Variants in TMPRSS11E observed in about 807,000 individuals in gnomAD.
TMPRSS11E encodes the protein transmembrane serine protease 11E, also known as transmembrane protease serine 11E.
Under a neutral mutation model 48.1 loss-of-function variants are expected in TMPRSS11E, and 38 were observed. The observed-to-expected ratio is 0.79, with a 90% CI of 0.61 to 1.04. TMPRSS11E has a LOEUF of 1.04. Ranked by LOEUF, TMPRSS11E falls within the 50% of genes least tolerant of loss-of-function variation. The pLI, the probability that TMPRSS11E is intolerant of heterozygous loss-of-function variation, is 0.00. For missense variants in TMPRSS11E, 530 were observed against 510.8 expected (o/e 1.04, Z -0.36); for synonymous variants, 158 against 171.9 (o/e 0.92, Z 0.63).
chr4:68,490,885 A>G (rs1729699136), intron 9 of TMPRSS11E, among the ~76,000 whole-genome samples: 1 of 147,372 alleles, frequency 6.8e-6, no homozygotes, highest in African/African-American at 2.5e-5. Flanking sequence ...CAGCCTCCTG[A>G]GTAGCTGAGA....
At chr4:68,485,706 G>T (rs1050523021) in intron 9 of TMPRSS11E, among the ~76,000 whole-genome samples, 1 of 152,134 alleles carries the variant, frequency 6.6e-6, no homozygotes, top group Non-Finnish European at 1.5e-5. Flanking sequence ...AATTTTGGGA[G>T]TATTTTCAAT....
rs1729258373 is a variant in TMPRSS11E at position 68,477,494 on chromosome 4, T to A, written c.833T>A (p.Ile278Asn). ...KYKHPSHDYD[I>N]SLAELSSPVP... ...AAACACCCATCACATGACTATGATA[T>A]TTCTCTTGCAGAGCTTTCTAGCCCT... The change falls in exon 8 of 10, where the codon ATT (isoleucine) becomes AAT (asparagine). Residue 278 changes from isoleucine to asparagine, a missense_variant. Coordinates refer to ENST00000305363, the MANE Select transcript of TMPRSS11E (RefSeq NM_014058.4). The A allele has an allele frequency of 6.2e-7, 1 of 1,614,068 alleles. No individual in the cohort carries two copies. The highest frequency in any genetic ancestry group is 2.2e-5 in the East Asian group (1 of 44,866).
At chr4:68,476,175 A>G (rs945271642) in intron 6 of TMPRSS11E, 86 bp from the exon 7 acceptor site, 3 of 1,560,192 alleles carry the variant, frequency 1.9e-6, no homozygotes, top group African/African-American at 1.4e-5. Flanking sequence ...AGTAGAAGAA[A>G]TATGGGACAT....
At position 68,466,654 on chromosome 4, in the gene TMPRSS11E, T is replaced by C. The variant is rs1273647552; in HGVS notation, c.160T>C (p.Tyr54His). The C allele has an allele frequency of 5.0e-6, 8 of 1,613,434 alleles. No homozygotes were observed. Among genetic ancestry groups the C allele is most frequent in the Non-Finnish European group, 6.8e-6 (8 of 1,179,534 alleles). ...AGATCAAAAGAAGACCTACAATTACTATAGCACATTGTCATTTACAACTGA... is the reference window on the plus strand; with the variant it reads ...AGATCAAAAGAAGACCTACAATTACCATAGCACATTGTCATTTACAACTGA... ...RYNQKKTYNYYSTLSFTTDKL... is the reference protein window; with the variant it reads ...RYNQKKTYNYHSTLSFTTDKL... Residue 54 changes from tyrosine to histidine, a missense_variant, in exon 3 of 10, where the codon TAT (tyrosine) becomes CAT (histidine). Tyr to His is a moderately conservative substitution (Grantham distance 83). Transcript: ENST00000305363.
chr4:68,488,582 A>T (rs908065364), intron 9 of TMPRSS11E, among the ~76,000 whole-genome samples: 2 of 151,862 alleles, frequency 1.3e-5, no homozygotes, highest in African/African-American at 2.4e-5. Flanking sequence ...TCGGTTGCCC[A>T]GGCTGGAGTG....
At chr4:68,455,759 T>C (rs904206847) in intron 1 of TMPRSS11E, among the ~76,000 whole-genome samples, 14 of 152,016 alleles carry the variant, frequency 9.2e-5, no homozygotes, top group Non-Finnish European at 1.5e-4. Flanking sequence ...AAATTCCCTA[T>C]GATTGGCTGC....
rs1035761033 is a variant in TMPRSS11E, at chr4:68,496,904, T to A, written c.*100T>A. Reference sequence around the variant, plus strand: ...AATTGGAGAAGACTTGCAAAACAGCTAGATTTGACTGATCTCAATAAACTG... The same window carrying A: ...AATTGGAGAAGACTTGCAAAACAGCAAGATTTGACTGATCTCAATAAACTG... On this transcript the variant is annotated 3_prime_UTR_variant, in exon 10 of 10. Coordinates refer to ENST00000305363, the MANE Select transcript of TMPRSS11E (RefSeq NM_014058.4). 47 of 1,166,630 alleles carry A rather than the reference T, an allele frequency of 4.0e-5. No homozygotes were observed. The highest frequency in any genetic ancestry group is 5.4e-5 in the Non-Finnish European group (44 of 814,922). The allele number at this position is 1,166,630 out of a possible 1,614,324, so 72.3% of individuals were successfully genotyped here.
At chr4:68,496,144 ACAG>A (rs1206553343) in intron 9 of TMPRSS11E, among the ~76,000 whole-genome samples, 1 of 152,176 alleles carries the variant, frequency 6.6e-6, no homozygotes. Flanking sequence ...AGGAGCATTT[ACAG>A]ATAAATAAAT....
At position 68,454,816 on chromosome 4, in the gene TMPRSS11E, AT is replaced by A. The variant is rs1728585504; in HGVS notation, c.12-7001del. Among the ~76,000 whole-genome samples the A allele has an allele frequency of 2.0e-5, 3 of 151,860 alleles. No individual in the cohort carries two copies. The South Asian group carries it at 6.2e-4, about 31-fold the overall frequency. On this transcript the variant is annotated intron_variant, in intron 1 of 9. Coordinates refer to ENST00000305363, the MANE Select transcript of TMPRSS11E (RefSeq NM_014058.4). ...GGCACATTTTAATCAGGGTCTAGAG[AT>A]TTTAAAAAGTTGGTGTATAGTAGTT...
chr4:68,461,574 G>A (rs1007159651), intron 1 of TMPRSS11E, among the ~76,000 whole-genome samples: 1 of 152,068 alleles, frequency 6.6e-6, no homozygotes, highest in Non-Finnish European at 1.5e-5. Flanking sequence ...TATGAAATAG[G>A]TACTATCATT....
At chr4:68,468,739 C>T (rs1349633474) in intron 3 of TMPRSS11E, 140 bp from the exon 4 acceptor site, 1 of 709,518 alleles carries the variant, frequency 1.4e-6, no homozygotes, top group African/African-American at 1.8e-5. Flanking sequence ...ATTCCTCAAG[C>T]TTCCTCAGTT....
intron 1 of TMPRSS11E, among the ~76,000 whole-genome samples, chr4:68,459,310 GT>G (rs200876949): frequency 4.6e-5 from 7 of 150,768 alleles, no homozygotes; most frequent in Middle Eastern, 3.4e-3. Context: ...ATCTTCCTTA[GT>G]TTTTTTTTCA....
At chr4:68,494,930 G>T (rs867096097) in intron 9 of TMPRSS11E, among the ~76,000 whole-genome samples, 1 of 152,186 alleles carries the variant, frequency 6.6e-6, no homozygotes, top group Non-Finnish European at 1.5e-5. Context: ...TCTGGGGAGG[G>T]AGTTTTGGGT....
chr4:68,458,240 C>T (rs1270439288), intron 1 of TMPRSS11E, among the ~76,000 whole-genome samples: 1 of 152,054 alleles, frequency 6.6e-6, no homozygotes, highest in Non-Finnish European at 1.5e-5. Flanking sequence ...TGTCTTTTTG[C>T]TGTTGCTGCT....
At position 68,474,115 on chromosome 4, in the gene TMPRSS11E, T is replaced by A. The variant is rs185578152; in HGVS notation, c.491-608T>A. 4.5e-4 allele frequency among the ~76,000 whole-genome samples: 68 copies of A among 152,264 alleles called. No individual in the cohort carries two copies. The East Asian group carries it at 0.012, about 28-fold the overall frequency. ...TTAGTGTTTGCATAGGGTTTGAGAC[T>A]GACTAGTGAGAAGTCAGCAAGCTAA... On this transcript the variant is annotated intron_variant, in intron 5 of 9. Transcript: ENST00000305363.
chr4:68,472,763 C>T (rs62317557), intron 5 of TMPRSS11E, among the ~76,000 whole-genome samples: 41,776 of 151,924 alleles, frequency 0.27, 6,408 homozygotes, highest in Middle Eastern at 0.44. Context: ...AATGCTAGAC[C>T]TGTTTTCAAA....
rs918871622 is a variant in TMPRSS11E at position 68,449,124 on chromosome 4, T to C, written c.11+1601T>C. ...ACTCTACCTGAATAAGAATCAGTTT[T>C]TTTTTTTTTTTTTTAGAATTTAAGG... On this transcript the variant is annotated intron_variant, in intron 1 of 9. Coordinates refer to ENST00000305363, the MANE Select transcript of TMPRSS11E (RefSeq NM_014058.4). Among the ~76,000 whole-genome samples, 128 of 151,806 alleles carry C rather than the reference T, an allele frequency of 8.4e-4. 1 individual carries two copies. Among genetic ancestry groups the C allele is most frequent in the African/African-American group, 2.9e-3 (121 of 41,488 alleles).
intron 5 of TMPRSS11E, among the ~76,000 whole-genome samples, chr4:68,473,861 G>A (rs186162190): frequency 2.8e-4 from 43 of 152,086 alleles, no homozygotes; most frequent in Non-Finnish European, 2.1e-4. Context: ...CCTTATTTTT[G>A]CCATTTTCCC....
intron 4 of TMPRSS11E, among the ~76,000 whole-genome samples, chr4:68,471,075 G>C (rs1467852739): frequency 2.0e-5 from 3 of 151,856 alleles, no homozygotes; most frequent in Non-Finnish European, 4.4e-5. Context: ...ACCATGAACA[G>C]ACTAACTCAC....
Sources: gnomAD v4.1 joint callset for allele counts (sites outside exome capture counted in the v4.1 genomes callset) on GRCh38, gnomAD v4.1.1 for gene constraint, MANE v1.5 for transcripts, NCBI Gene and HGNC (gene_info 2026-07-23, HGNC 2026-07-21) for gene names.